RAD52: variants seen among roughly 807,000 people sequenced by gnomAD.
RAD52 encodes the protein RAD52 DNA repair protein.
RAD52 carries 47 observed loss-of-function variants against 55.5 expected under a neutral mutation model. That is an observed-to-expected ratio of 0.85 (90% CI 0.67 to 1.08). The LOEUF is 1.08. Ranked by LOEUF, RAD52 falls within the 50% of genes least tolerant of loss-of-function variation. The pLI is 0.00. For missense variants in RAD52, 468 were observed against 522.8 expected (o/e 0.90, Z 1.02); for synonymous variants, 184 against 198.9 (o/e 0.92, Z 0.63).
chr12:914,897 C>T (rs1956273683), intron 9 of RAD52, among the ~76,000 whole-genome samples: 1 of 152,210 alleles, frequency 6.6e-6, no homozygotes, highest in South Asian at 2.1e-4. Flanking sequence ...GTGGCTCACA[C>T]CTGTAACCCC....
At chr12:978,753 T>G (rs1958968875) in intron 1 of RAD52, among the ~76,000 whole-genome samples, 1 of 151,806 alleles carries the variant, frequency 6.6e-6, no homozygotes, top group Admixed American at 6.6e-5. Context: ...ACACCTGTAA[T>G]CCAAACTACT....
chr12:945,309 C>G (rs1958153713), intron 1 of RAD52, among the ~76,000 whole-genome samples: 1 of 151,276 alleles, frequency 6.6e-6, no homozygotes, highest in African/African-American at 2.4e-5. Context: ...CAAGATCGCA[C>G]CACTGCACTC....
At chr12:922,605 G>A (rs2154111623) in intron 7 of RAD52, among the ~76,000 whole-genome samples, 2 of 152,260 alleles carry the variant, frequency 1.3e-5, no homozygotes, top group East Asian at 3.9e-4. Flanking sequence ...ATTAATGCTA[G>A]CTAAGTGAAA....
chr12:950,187 G>A (rs1252464570), upstream of RAD52, among the ~76,000 whole-genome samples: 2 of 152,304 alleles, frequency 1.3e-5, no homozygotes, highest in African/African-American at 4.8e-5. Context: ...CCACCGCCGC[G>A]CACATCCAGT....
At chr12:949,381 T>G (rs553455616) in intron 1 of RAD52, 8 of 152,400 alleles carry the variant, frequency 5.2e-5, no homozygotes, top group Admixed American at 2.0e-4. Flanking sequence ...CCAAGTTTCC[T>G]GTACCCCGCC....
chr12:916,210 G>T, intron 9 of RAD52, 134 bp downstream of exon 9: 1 of 1,469,258 alleles, frequency 6.8e-7, no homozygotes, highest in African/African-American at 1.4e-5. Flanking sequence ...TCTCTCCTGC[G>T]TGTAGCTTGA....
At chr12:961,121 C>T (rs531123651) in intron 1 of RAD52, among the ~76,000 whole-genome samples, 20 of 151,640 alleles carry the variant, frequency 1.3e-4, no homozygotes, top group Non-Finnish European at 2.7e-4. Context: ...AGTGACCAGC[C>T]TGGCCAATAT....
Position 927,271 on chromosome 12 carries a change from C to T in RAD52, c.349-8G>A, listed in dbSNP as rs1957088006. 6.2e-7 allele frequency: 1 copy of T among 1,602,370 alleles called. No homozygotes were observed. The highest frequency in any genetic ancestry group is 8.6e-7 in the Non-Finnish European group (1 of 1,169,510). On this transcript the variant is annotated splice_region_variant and splice_polypyrimidine_tract_variant and intron_variant, in intron 5 of 11. Transcript: ENST00000358495. ...TTCATGATATGAACCATCCTGGGGG[C>T]AGAAAAGGAGTTTGAACTCAAACAC...
intron 1 of RAD52, among the ~76,000 whole-genome samples, chr12:961,416 C>T (rs1370626241): frequency 6.6e-6 from 1 of 151,768 alleles, no homozygotes; most frequent in East Asian, 1.9e-4. Context: ...TGTTGAACCC[C>T]TAATGTCCAA....
intron 1 of RAD52, among the ~76,000 whole-genome samples, chr12:944,762 T>TTTTA (rs1555177803): frequency 7.0e-6 from 1 of 143,582 alleles, no homozygotes; most frequent in Non-Finnish European, 1.5e-5. Flanking sequence ...CTAAAAGCAT[T>TTTTA]TTTCTTTCTT....
chr12:983,495 C>G, intron 1 of RAD52, among the ~76,000 whole-genome samples: 1 of 149,716 alleles, frequency 6.7e-6, no homozygotes. Flanking sequence ...CAGCTCACTG[C>G]AACCTCTGCC....
chr12:922,797 A>G (rs1189055058), intron 7 of RAD52, among the ~76,000 whole-genome samples: 1 of 152,110 alleles, frequency 6.6e-6, no homozygotes, highest in African/African-American at 2.4e-5. Flanking sequence ...GCAAAACTCC[A>G]TGACCACACA....
At chr12:983,721 G>C (rs995752797) in intron 1 of RAD52, among the ~76,000 whole-genome samples, 34 of 152,084 alleles carry the variant, frequency 2.2e-4, no homozygotes, top group Admixed American at 2.2e-3. Context: ...CACGCGGCCG[G>C]CTGCATCTTC....
At chr12:957,371 GA>G (rs1351086986) in intron 1 of RAD52, among the ~76,000 whole-genome samples, 3 of 147,670 alleles carry the variant, frequency 2.0e-5, no homozygotes, top group African/African-American at 7.5e-5. Flanking sequence ...GCTGAGGCAG[GA>G]GAATCGCTTA....
chr12:928,120 AT>A (rs1333262842), intron 5 of RAD52, among the ~76,000 whole-genome samples: 1 of 152,222 alleles, frequency 6.6e-6, no homozygotes, highest in Admixed American at 6.5e-5. Flanking sequence ...CTATAACACA[AT>A]TCTTTCCATT....
chr12:940,250 G>A (rs1467648426), intron 1 of RAD52, among the ~76,000 whole-genome samples: 1 of 152,092 alleles, frequency 6.6e-6, no homozygotes, highest in Non-Finnish European at 1.5e-5. Context: ...AGAACTTGAT[G>A]AGGTAGTCTT....
chr12:931,443 G>A, intron 2 of RAD52, 122 bp from the exon 3 acceptor site: 1 of 655,100 alleles, frequency 1.5e-6, no homozygotes, highest in Non-Finnish European at 2.5e-6. Context: ...GTTTATGTGG[G>A]TTCTATGTAT....
intron 1 of RAD52, among the ~76,000 whole-genome samples, chr12:971,995 G>A (rs1017131502): frequency 5.9e-5 from 9 of 152,182 alleles, no homozygotes; most frequent in South Asian, 4.2e-4. Flanking sequence ...TGATCCGCCC[G>A]CCTCGGCCTC....
At position 986,933 on chromosome 12, in the gene RAD52, C is replaced by T. The variant is rs942282301; in HGVS notation, c.-19+2876G>A. Among the ~76,000 whole-genome samples the T allele has an allele frequency of 2.0e-5, 3 of 151,998 alleles. No homozygotes were observed. The East Asian group carries it at 5.8e-4, about 29-fold the overall frequency. On this transcript the variant is annotated intron_variant, in intron 1 of 11. Transcript: ENST00000430095. ...TTGTCAGATACCCTGATTTCTCCCT[C>T]ATTTTGCTTGAGCACACATTTAAGT...
Sources: allele counts gnomAD v4.1 joint callset (sites outside exome capture counted in the v4.1 genomes callset), GRCh38; gene constraint gnomAD v4.1.1; transcripts MANE v1.5; gene names NCBI Gene and HGNC (gene_info 2026-07-23, HGNC 2026-07-21).